LRCH3: variants seen among roughly 807,000 people sequenced by gnomAD.
LRCH3 encodes the protein DISP complex protein LRCH3.
LRCH3 carries 68 observed loss-of-function variants against 104.5 expected under a neutral mutation model. The observed-to-expected ratio is 0.65, with a 90% CI of 0.54 to 0.80. The LOEUF (loss-of-function observed/expected upper bound fraction) is 0.80, where lower values mean the gene tolerates loss of function less well. Ranked by LOEUF, LRCH3 falls within the 30% of genes least tolerant of loss-of-function variation. LRCH3 has a pLI of 0.00. For synonymous variants in LRCH3, 344 were observed against 361.3 expected, an observed-to-expected ratio of 0.95 and a Z score of 0.54; for missense variants, 951 against 953.9, an observed-to-expected ratio of 1.00 and a Z score of 0.04.
chr3:197,875,136 C>T (rs1203588609), intron 19 of LRCH3, among the ~76,000 whole-genome samples: 6 of 152,060 alleles, frequency 3.9e-5, no homozygotes, highest in Admixed American at 2.6e-4. Flanking sequence ...TCTCCATGTT[C>T]GTCAGGCTGG....
chr3:197,806,644 T>G (rs1732513965), intron 1 of LRCH3, among the ~76,000 whole-genome samples: 1 of 151,596 alleles, frequency 6.6e-6, no homozygotes, highest in African/African-American at 2.4e-5. Flanking sequence ...TTTGGGAGAC[T>G]GAGGCAGGTG....
chr3:197,840,769 A>G (rs1234889302), intron 10 of LRCH3, among the ~76,000 whole-genome samples: 4 of 152,224 alleles, frequency 2.6e-5, no homozygotes, highest in Non-Finnish European at 5.9e-5. Flanking sequence ...CACTTAACTC[A>G]TGGAGATTTA....
intron 12 of LRCH3, chr3:197,851,063 G>A (rs1739527600): frequency 3.0e-6 from 2 of 655,994 alleles, no homozygotes; most frequent in Non-Finnish European, 5.6e-6. Flanking sequence ...AAATACTCAG[G>A]AAGTGGCAGG....
intron 14 of LRCH3, among the ~76,000 whole-genome samples, chr3:197,857,423 C>T (rs139120606): frequency 0.015 from 2,238 of 146,354 alleles, 109 homozygotes; most frequent in African/African-American, 0.055. Flanking sequence ...TTCCGGCTAC[C>T]CCTCAAGCTC....
rs534357070 is a variant in LRCH3, at chr3:197,829,572, A to C, written c.786A>C (p.Ile262=). ...TGTGTGACTTTATTTAGATATGTATAAAAGGCAAAGTCCACATATTTAAAT... is the reference window on the plus strand; with the variant it reads ...TGTGTGACTTTATTTAGATATGTATCAAAGGCAAAGTCCACATATTTAAAT... ...PLQSPPAQIC[I]KGKVHIFKYL... The change falls in exon 6 of 21, where the codon ATA becomes ATC. Residue 262 remains isoleucine, a synonymous_variant. Coordinates refer to ENST00000425562, the MANE Select transcript of LRCH3 (RefSeq NM_001365715.1). 11 of 1,607,478 alleles carry C rather than the reference A, an allele frequency of 6.8e-6. No homozygotes were observed. The East Asian group carries it at 2.2e-4, about 33-fold the overall frequency.
chr3:197,879,209 G>A (rs1713262031), intron 20 of LRCH3, among the ~76,000 whole-genome samples: 1 of 151,664 alleles, frequency 6.6e-6, no homozygotes, highest in Admixed American at 6.6e-5. Context: ...GTTAAAGGAT[G>A]TCTGTCTCCC....
Position 197,835,599 on chromosome 3 carries a change from C to T in LRCH3, c.1103-75C>T. The T allele has an allele frequency of 3.8e-6, 5 of 1,306,240 alleles. No homozygotes were observed. The South Asian group carries it at 6.3e-5, about 16-fold the overall frequency. 80.9% of individuals were successfully genotyped at this position (1,306,240 alleles called of 1,614,324 possible). On this transcript the variant is annotated intron_variant, in intron 8 of 20. Coordinates refer to ENST00000425562, the MANE Select transcript of LRCH3 (RefSeq NM_001365715.1). ...TGGGGAAAAGGAAATAAGTAAATGT[C>T]TTTTATTGGCTATCTAATTTGAATG...
At chr3:197,831,256 C>T (rs1181083875) in intron 7 of LRCH3, 1 of 155,822 alleles carries the variant, frequency 6.4e-6, no homozygotes, top group Non-Finnish European at 1.4e-5. Context: ...TTCATGTGCT[C>T]AAGAGGAATA....
At chr3:197,834,064 G>T (rs1736350697) in intron 8 of LRCH3, among the ~76,000 whole-genome samples, 1 of 152,172 alleles carries the variant, frequency 6.6e-6, no homozygotes, top group Non-Finnish European at 1.5e-5. Context: ...AGACTAAATT[G>T]AGAAATAGGC....
chr3:197,833,207 AATT>A (rs1245595259), intron 8 of LRCH3, among the ~76,000 whole-genome samples: 1 of 151,992 alleles, frequency 6.6e-6, no homozygotes, highest in East Asian at 1.9e-4. Context: ...CACATGTGAT[AATT>A]ATTGAGTATT....
At position 197,826,968 on chromosome 3, in the gene LRCH3, AGAC is replaced by A; in HGVS notation, c.734_736del (p.Thr245del). On this transcript the variant is annotated inframe_deletion, in exon 5 of 21. Transcript: ENST00000425562. ...TGTTATCGGAACCTCAGGCACCTAC[AGAC>A]GATCACCCTAGATAACAATCCACTA... 1 of 1,614,084 alleles carries A rather than the reference AGAC, an allele frequency of 6.2e-7. No homozygotes were observed. The highest frequency in any genetic ancestry group is 8.5e-7 in the Non-Finnish European group (1 of 1,180,002).
At position 197,832,202 on chromosome 3, in the gene LRCH3, A is replaced by C. The variant is rs143788297; in HGVS notation, c.987A>C (p.Thr329=). ...GTTTCTGCTTCTTTTTTAAGCCTAC[A>C]GATGAATTTTCAGATCTGCCTCTTC... ...GDKRWSGNEP[T]DEFSDLPLRV... The change falls in exon 8 of 21, where the codon ACA becomes ACC. Residue 329 remains threonine (T), a synonymous_variant. Transcript: ENST00000425562. 1.2e-6 allele frequency: 2 copies of C among 1,612,264 alleles called. No individual in the cohort carries two copies. The highest frequency in any genetic ancestry group is 1.7e-5 in the Admixed American group (1 of 59,934).
chr3:197,837,335 T>C (rs569554008), intron 9 of LRCH3, among the ~76,000 whole-genome samples: 2 of 152,322 alleles, frequency 1.3e-5, no homozygotes, highest in East Asian at 3.9e-4. Context: ...CCTATTATAC[T>C]ACTATAAAAA....
intron 15 of LRCH3, among the ~76,000 whole-genome samples, chr3:197,862,820 G>A (rs550174706): frequency 1.6e-4 from 24 of 152,156 alleles, no homozygotes; most frequent in Admixed American, 1.3e-3. Flanking sequence ...CTATAAACCC[G>A]ATGAACGTGT....
chr3:197,844,397 T>G (rs541838953), intron 10 of LRCH3, among the ~76,000 whole-genome samples: 49 of 152,060 alleles, frequency 3.2e-4, no homozygotes, highest in African/African-American at 1.0e-3. Context: ...TGAGAATGGT[T>G]GTTGTTTTTG....
chr3:197,819,830 C>T (rs1486733613), intron 3 of LRCH3, among the ~76,000 whole-genome samples: 1 of 151,984 alleles, frequency 6.6e-6, no homozygotes, highest in African/African-American at 2.4e-5. Context: ...ACGTTTGAGG[C>T]TTATTGAAAA....
At chr3:197,863,332 G>C (rs770940781) in intron 15 of LRCH3, among the ~76,000 whole-genome samples, 21 of 151,960 alleles carry the variant, frequency 1.4e-4, no homozygotes, top group African/African-American at 3.6e-4. Flanking sequence ...GCGCCATCTC[G>C]GCTCACTGCA....
intron 1 of LRCH3, among the ~76,000 whole-genome samples, chr3:197,809,092 G>C (rs546507468): frequency 1.1e-4 from 16 of 152,046 alleles, no homozygotes; most frequent in Middle Eastern, 3.4e-3. Context: ...GAGGTCAGGA[G>C]TTCAGGACCA....
At chr3:197,866,873 C>T (rs1741545976) in intron 17 of LRCH3, among the ~76,000 whole-genome samples, 1 of 152,172 alleles carries the variant, frequency 6.6e-6, no homozygotes. Flanking sequence ...GGCGTGGTGG[C>T]TCACGCCTGT....
Sources: gnomAD v4.1 joint callset for allele counts (sites outside exome capture counted in the v4.1 genomes callset) on GRCh38, gnomAD v4.1.1 for gene constraint, MANE v1.5 for transcripts, NCBI Gene and HGNC (gene_info 2026-07-23, HGNC 2026-07-21) for gene names.